The following ADK variants were observed in gnomAD, a reference collection of about 807,000 sequenced individuals.
ADK encodes N6,N6-dimethyladenosine kinase.
ADK carries 24 observed loss-of-function variants against 44.7 expected under a neutral mutation model. The ratio of observed to expected loss-of-function variants is 0.54; its 90% CI spans 0.39 to 0.76. The LOEUF is 0.76. ADK is among the 30% of genes least tolerant of loss of function. The pLI is 0.00. For missense variants in ADK, 321 were observed against 425.1 expected (o/e 0.76, Z 2.15); for synonymous variants, 128 against 142.6 (o/e 0.90, Z 0.73).
chr10:74,694,474 G>T (rs2134277028), intron 10 of ADK, among the ~76,000 whole-genome samples: 1 of 152,076 alleles, frequency 6.6e-6, no homozygotes, highest in East Asian at 1.9e-4. Context: ...TGGGGGTTTT[G>T]GGGTTTTTTG....
At position 74,394,293 on chromosome 10, in the gene ADK, A is replaced by C; in HGVS notation, c.426A>C (p.Ala142=). 2 of 1,614,002 alleles carry C rather than the reference A, an allele frequency of 1.2e-6. No homozygotes were observed. Among genetic ancestry groups the C allele is most frequent in the Non-Finnish European group, 1.7e-6 (2 of 1,179,946 alleles). The change falls in exon 5 of 11, where the codon GCA becomes GCC. Residue 142 remains alanine, a synonymous_variant. Coordinates refer to ENST00000539909, the MANE Select transcript of ADK (RefSeq NM_006721.4). ...QNEQPTGTCA[A]CITGDNRSLI... ...AGCAGCCAACAGGAACTTGTGCTGC[A>C]TGCATCACTGGTGACAACAGGTCAG... is the stretch of plus-strand genomic sequence containing the variant.
intron 7 of ADK, among the ~76,000 whole-genome samples, chr10:74,531,300 A>C (rs1849283253): frequency 6.6e-6 from 1 of 152,192 alleles, no homozygotes; most frequent in Non-Finnish European, 1.5e-5. Flanking sequence ...TTAGCAGGTT[A>C]AAATCAGCTC....
At chr10:74,326,801 CT>C (rs2131836419) in intron 4 of ADK, among the ~76,000 whole-genome samples, 1 of 152,040 alleles carries the variant, frequency 6.6e-6, no homozygotes, top group East Asian at 1.9e-4. Context: ...AAACTTATTT[CT>C]TCTAGGTTTT....
intron 7 of ADK, among the ~76,000 whole-genome samples, chr10:74,542,066 C>A (rs1849660401): frequency 6.6e-6 from 1 of 151,902 alleles, no homozygotes. Flanking sequence ...CATGGTATAA[C>A]CCTATCTGTA....
intron 3 of ADK, among the ~76,000 whole-genome samples, chr10:74,289,843 A>AT (rs1262361095): frequency 2.0e-5 from 3 of 151,658 alleles, no homozygotes; most frequent in Non-Finnish European, 4.4e-5. Context: ...CAAAAAAAAA[A>AT]AAAGGAAAGA....
rs34464248 is a variant in ADK at position 74,295,462 on chromosome 10, C to CA, written c.195-19191dup. On this transcript the variant is annotated intron_variant, in intron 3 of 10. Coordinates refer to ENST00000539909, the MANE Select transcript of ADK (RefSeq NM_006721.4). The stretch of plus-strand genomic sequence containing the variant: ...GGGCGACAAGAGCAAGACTCTGTCT[C>CA]AAAAAAAAAAAAAATTTTTTTAAAT... Among the ~76,000 whole-genome samples, 59 of 146,692 alleles carry CA rather than the reference C, an allele frequency of 4.0e-4. 1 individual carries two copies. The highest frequency in any genetic ancestry group is 6.9e-3 in the Middle Eastern group (2 of 290).
chr10:74,588,990 T>C (rs1184578490), intron 7 of ADK, among the ~76,000 whole-genome samples: 1 of 152,192 alleles, frequency 6.6e-6, no homozygotes, highest in Non-Finnish European at 1.5e-5. Context: ...TGGATTGTCT[T>C]TCTTTGCTGA....
intron 6 of ADK, among the ~76,000 whole-genome samples, chr10:74,476,921 T>A (rs1158134092): frequency 6.6e-6 from 1 of 152,224 alleles, no homozygotes; most frequent in Non-Finnish European, 1.5e-5. Flanking sequence ...GGCTTTTTTT[T>A]ACTTAGCAAA....
intron 3 of ADK, among the ~76,000 whole-genome samples, chr10:74,240,374 G>GTGTGTGTGTT (rs1403408503): frequency 2.3e-5 from 3 of 127,858 alleles, no homozygotes; most frequent in African/African-American, 9.6e-5. Flanking sequence ...CTTTTATTTT[G>GTGTGTGTGTT]TGTGTGTGTG....
chr10:74,375,259 C>A (rs1196997061), intron 4 of ADK, among the ~76,000 whole-genome samples: 1 of 151,750 alleles, frequency 6.6e-6, no homozygotes. Flanking sequence ...CATTACCATC[C>A]CCATAAATGA....
intron 10 of ADK, among the ~76,000 whole-genome samples, chr10:74,679,438 C>T (rs1855521018): frequency 6.6e-6 from 1 of 152,144 alleles, no homozygotes; most frequent in Non-Finnish European, 1.5e-5. Flanking sequence ...ATGTTCTTAT[C>T]TAGCAGAATT....
At chr10:74,455,461 C>T (rs1845910937) in intron 6 of ADK, among the ~76,000 whole-genome samples, 1 of 152,092 alleles carries the variant, frequency 6.6e-6, no homozygotes. Flanking sequence ...TTTTATATCC[C>T]CTTGACTTAT....
chr10:74,471,620 A>G (rs1375186257), intron 6 of ADK, among the ~76,000 whole-genome samples: 1 of 152,188 alleles, frequency 6.6e-6, no homozygotes, highest in Non-Finnish European at 1.5e-5. Context: ...TTTTAACAGT[A>G]TTAAGTTCCA....
At chr10:74,202,671 A>G (rs1843439707) in intron 2 of ADK, among the ~76,000 whole-genome samples, 1 of 152,116 alleles carries the variant, frequency 6.6e-6, no homozygotes, top group African/African-American at 2.4e-5. Flanking sequence ...GTGTGAAATG[A>G]TGTCTCATTG....
intron 10 of ADK, among the ~76,000 whole-genome samples, chr10:74,692,895 C>A (rs1405708467): frequency 2.6e-5 from 4 of 152,094 alleles, no homozygotes; most frequent in African/African-American, 7.2e-5. Context: ...CAGAATATAT[C>A]CCCGTTGTTA....
At chr10:74,411,156 G>C (rs1844161988) in intron 6 of ADK, among the ~76,000 whole-genome samples, 1 of 151,866 alleles carries the variant, frequency 6.6e-6, no homozygotes, top group Non-Finnish European at 1.5e-5. Context: ...GAATGTTTAA[G>C]CCTTTATTTT....
intron 7 of ADK, among the ~76,000 whole-genome samples, chr10:74,584,423 A>G (rs1446562516): frequency 6.6e-6 from 1 of 152,180 alleles, no homozygotes; most frequent in East Asian, 1.9e-4. Flanking sequence ...CTGGGACCTT[A>G]GTGTAGGCCT....
chr10:74,194,584 A>G (rs996596518), intron 1 of ADK, among the ~76,000 whole-genome samples: 1 of 152,234 alleles, frequency 6.6e-6, no homozygotes, highest in African/African-American at 2.4e-5. Context: ...AGAATTGTTT[A>G]AAATAATATG....
chr10:74,517,654 A>C (rs113716098), intron 6 of ADK, among the ~76,000 whole-genome samples: 1 of 150,804 alleles, frequency 6.6e-6, no homozygotes, highest in East Asian at 1.9e-4. Flanking sequence ...GCACCACTGC[A>C]CTCTAGTCTA....
Sources: gnomAD v4.1 joint callset for allele counts (sites outside exome capture counted in the v4.1 genomes callset) on GRCh38, gnomAD v4.1.1 for gene constraint, MANE v1.5 for transcripts, NCBI Gene and HGNC (gene_info 2026-07-23, HGNC 2026-07-21) for gene names.